Variants in ADGRL3 observed in about 807,000 individuals in gnomAD.
ADGRL3 encodes adhesion G protein-coupled receptor L3.
A neutral mutation model predicts 153.5 loss-of-function variants in ADGRL3; 62 were observed. The ratio of observed to expected loss-of-function variants is 0.40; its 90% confidence interval spans 0.33 to 0.50. The LOEUF is 0.50. ADGRL3 is among the 20% of genes least tolerant of loss of function. The pLI, the probability that ADGRL3 is intolerant of heterozygous loss-of-function variation, is 0.47. For synonymous variants in ADGRL3, 710 were observed against 672.5 expected (o/e 1.06, Z -0.86); for missense variants, 1,641 against 1,859.4 (o/e 0.88, Z 2.16).
intron 9 of ADGRL3, among the ~76,000 whole-genome samples, chr4:61,834,613 AAG>A (rs2097912567): frequency 6.6e-6 from 1 of 152,142 alleles, no homozygotes; most frequent in Admixed American, 6.5e-5. Flanking sequence ...AAAGGCCATC[AAG>A]GGCTTTGGCT....
intron 11 of ADGRL3, among the ~76,000 whole-genome samples, chr4:61,904,065 A>G (rs569475047): frequency 2.0e-5 from 3 of 151,700 alleles, no homozygotes; most frequent in South Asian, 2.1e-4. Context: ...CACCATGCCC[A>G]GCCTACAAAT....
At chr4:61,611,109 T>C (rs954261531) in intron 5 of ADGRL3, among the ~76,000 whole-genome samples, 1 of 152,194 alleles carries the variant, frequency 6.6e-6, no homozygotes, top group East Asian at 1.9e-4. Context: ...TTTGTCCATA[T>C]GCGTTTTTCA....
At chr4:61,313,899 C>T (rs541819063) in intron 1 of ADGRL3, among the ~76,000 whole-genome samples, 7 of 152,094 alleles carry the variant, frequency 4.6e-5, no homozygotes, top group Non-Finnish European at 1.0e-4. Flanking sequence ...GCACTCACAA[C>T]GATGCCCACA....
chr4:61,748,391 T>C (rs143595293), intron 8 of ADGRL3, among the ~76,000 whole-genome samples: 85,805 of 149,192 alleles, frequency 0.58, 27,055 homozygotes, highest in African/African-American at 0.82. Context: ...AAAAAGAGCC[T>C]GCATTCCCAA....
intron 1 of ADGRL3, among the ~76,000 whole-genome samples, chr4:61,369,471 G>T (rs1221133268): frequency 6.6e-6 from 1 of 152,066 alleles, no homozygotes; most frequent in Non-Finnish European, 1.5e-5. Context: ...GGCCTTTTCT[G>T]CATCTATTGA....
At position 61,257,809 on chromosome 4, in the gene ADGRL3, C is replaced by CA. The variant is rs578002766; in HGVS notation, c.-240+56046dup. 1.2e-4 allele frequency among the ~76,000 whole-genome samples: 18 copies of CA among 151,388 alleles called. No individual in the cohort carries two copies. The South Asian group carries it at 3.8e-3, about 32-fold the overall frequency. On this transcript the variant is annotated intron_variant, in intron 1 of 26. Transcript: ENST00000683033. ...GATTATTTCACTTCATACCATTTTT[C>CA]AATTTATTTCGCTTAATTGAATTAG...
At chr4:61,221,235 A>G (rs1745346873) in intron 1 of ADGRL3, among the ~76,000 whole-genome samples, 1 of 152,202 alleles carries the variant, frequency 6.6e-6, no homozygotes, top group Non-Finnish European at 1.5e-5. Flanking sequence ...GGATATTATG[A>G]GAAAAACATA....
At chr4:61,332,514 T>C (rs2095593941) in intron 1 of ADGRL3, among the ~76,000 whole-genome samples, 1 of 152,160 alleles carries the variant, frequency 6.6e-6, no homozygotes, top group Non-Finnish European at 1.5e-5. Context: ...AATATGAAGT[T>C]TCTAATTATA....
In ADGRL3 at chr4:61,200,340, T is replaced by TCCGGCCCCGGCTGCG. The variant is rs1341284720; in HGVS notation, c.-1662_-1648dup. ...GACCGCTGCTCATTCTGGCCTCCGCTCCGGCCCCGGCTGCGCCTACCCCGC... is the reference window on the plus strand; with the variant it reads ...GACCGCTGCTCATTCTGGCCTCCGCTCCGGCCCCGGCTGCGCCGGCCCCGGCTGCGCCTACCCCGC... On this transcript the variant is annotated 5_prime_UTR_variant, in exon 1 of 27. Coordinates refer to ENST00000683033, the MANE Select transcript of ADGRL3 (RefSeq NM_001387552.1). 1.3e-5 allele frequency among the ~76,000 whole-genome samples: 2 copies of TCCGGCCCCGGCTGCG among 151,786 alleles called. No individual in the cohort carries two copies. Among genetic ancestry groups the TCCGGCCCCGGCTGCG allele is most frequent in the African/African-American group, 2.4e-5 (1 of 41,314 alleles).
Position 62,056,062 on chromosome 4 carries a change from A to T in ADGRL3, c.3814+11513A>T, listed in dbSNP as rs867104021. ...TTTTGAGGAAGAGGATCTTAAAAAA[A>T]TTTTGAAAATCACAGATTTAAATAT... On this transcript the variant is annotated intron_variant, in intron 25 of 26. Transcript: ENST00000683033. Among the ~76,000 whole-genome samples the T allele has an allele frequency of 8.7e-4, 132 of 151,822 alleles. 1 individual carries two copies. The highest frequency in any genetic ancestry group is 6.8e-3 in the Middle Eastern group (2 of 294).
intron 21 of ADGRL3, among the ~76,000 whole-genome samples, chr4:62,003,531 A>G (rs2099147660): frequency 6.6e-6 from 1 of 152,128 alleles, no homozygotes; most frequent in Non-Finnish European, 1.5e-5. Flanking sequence ...GGGAATAATT[A>G]TACCTATTTC....
chr4:61,958,187 T>G (rs2098974616), intron 17 of ADGRL3, among the ~76,000 whole-genome samples: 1 of 152,196 alleles, frequency 6.6e-6, no homozygotes, highest in Admixed American at 6.5e-5. Flanking sequence ...CTTTTCTTCT[T>G]GTTTGCAACC....
intron 2 of ADGRL3, among the ~76,000 whole-genome samples, chr4:61,496,139 A>T (rs2098313036): frequency 6.6e-6 from 1 of 152,184 alleles, no homozygotes; most frequent in African/African-American, 2.4e-5. Flanking sequence ...ATTTACAGAG[A>T]TGTTTAGAAA....
chr4:61,684,448 T>C (rs781556236), intron 6 of ADGRL3, among the ~76,000 whole-genome samples: 38 of 152,080 alleles, frequency 2.5e-4, no homozygotes, highest in Non-Finnish European at 5.0e-4. Context: ...ATTCCTGTAA[T>C]GATCTAGGCT....
chr4:61,707,150 C>T (rs1436664724), intron 6 of ADGRL3, among the ~76,000 whole-genome samples: 7 of 152,048 alleles, frequency 4.6e-5, no homozygotes. Flanking sequence ...ATTAAGTTCA[C>T]CATCTTATAT....
intron 8 of ADGRL3, among the ~76,000 whole-genome samples, chr4:61,796,825 C>A (rs1031906603): frequency 6.6e-6 from 1 of 151,664 alleles, no homozygotes; most frequent in Non-Finnish European, 1.5e-5. Context: ...GGAGTAGATA[C>A]AAATTTCAAA....
In ADGRL3 at chr4:61,450,128, C is replaced by T. The variant is rs1437361536; in HGVS notation, c.-173-46993C>T. Reference sequence around the variant, plus strand: ...ACGGTGTGGTATACAGTCACTCAACCAAAGGTGGCTCTGAAGAGACTACAT... The same window carrying T: ...ACGGTGTGGTATACAGTCACTCAACTAAAGGTGGCTCTGAAGAGACTACAT... On this transcript the variant is annotated intron_variant, in intron 2 of 26. Transcript: ENST00000683033. 2.0e-5 allele frequency among the ~76,000 whole-genome samples: 3 copies of T among 152,122 alleles called. 1 individual carries two copies. Among genetic ancestry groups the T allele is most frequent in the Admixed American group, 2.0e-4 (3 of 15,262 alleles).
rs547393966 is a variant in ADGRL3, at chr4:61,622,627, AC to A, written c.473+35188del. On this transcript the variant is annotated intron_variant, in intron 5 of 26. Transcript: ENST00000683033. ...AAAAAGAACAGTTAACATTTGTGAA[AC>A]ATTTACTATGTGCTAGGCATTCTGG... Among the ~76,000 whole-genome samples, 1,085 of 152,284 alleles carry A rather than the reference AC, an allele frequency of 7.1e-3. 8 individuals are homozygous for A. The highest frequency in any genetic ancestry group is 8.3e-3 in the Non-Finnish European group (566 of 68,000).
At chr4:61,528,736 C>T (rs2098593493) in intron 4 of ADGRL3, among the ~76,000 whole-genome samples, 1 of 152,048 alleles carries the variant, frequency 6.6e-6, no homozygotes, top group African/African-American at 2.4e-5. Context: ...GTGGAAGGGC[C>T]ACACTTCCTT....
Sources: gnomAD v4.1 joint callset for allele counts (sites outside exome capture counted in the v4.1 genomes callset) on GRCh38, gnomAD v4.1.1 for gene constraint, MANE v1.5 for transcripts, NCBI Gene and HGNC (gene_info 2026-07-23, HGNC 2026-07-21) for gene names.